PLA2G4C: variants seen among roughly 807,000 people sequenced by gnomAD.
PLA2G4C encodes phospholipase A2 group IVC.
A neutral mutation model predicts 73.8 loss-of-function variants in PLA2G4C; 64 were observed. That is an observed-to-expected ratio of 0.87 (90% CI 0.71 to 1.07). The LOEUF (loss-of-function observed/expected upper bound fraction) is 1.07, where lower values mean the gene tolerates loss of function less well. PLA2G4C is among the 50% of genes least tolerant of loss of function. The pLI, the probability that PLA2G4C is intolerant of heterozygous loss-of-function variation, is 0.00. For missense variants in PLA2G4C, 622 were observed against 665.4 expected, an observed-to-expected ratio of 0.93 and a Z score of 0.72; for synonymous variants, 254 against 252.1, an observed-to-expected ratio of 1.01 and a Z score of -0.07.
intron 9 of PLA2G4C, among the ~76,000 whole-genome samples, 197 bp downstream of exon 9, chr19:48,088,489 T>C (rs1232152984): frequency 6.6e-6 from 1 of 152,214 alleles, no homozygotes; most frequent in Non-Finnish European, 1.5e-5. Flanking sequence ...AACATGGTTC[T>C]ACAGCACCCC....
chr19:48,059,527 C>T (rs987678179), intron 14 of PLA2G4C, among the ~76,000 whole-genome samples: 9 of 152,138 alleles, frequency 5.9e-5, no homozygotes, highest in Middle Eastern at 3.4e-3. Context: ...ACAGTGTGGG[C>T]GGACACCCTC....
chr19:48,056,290 G>A (rs1453660201), intron 14 of PLA2G4C, among the ~76,000 whole-genome samples: 1 of 152,106 alleles, frequency 6.6e-6, no homozygotes, highest in African/African-American at 2.4e-5. Context: ...GCTCATGTCT[G>A]TAATCCCAGC....
At chr19:48,056,823 A>C (rs1427983796) in intron 14 of PLA2G4C, among the ~76,000 whole-genome samples, 3 of 124,046 alleles carry the variant, frequency 2.4e-5, no homozygotes, top group Non-Finnish European at 4.9e-5. Flanking sequence ...CAAGAACGAG[A>C]CTCTGTCTCA....
chr19:48,067,697 C>T, intron 13 of PLA2G4C, 94 bp downstream of exon 13: 1 of 844,292 alleles, frequency 1.2e-6, no homozygotes, highest in South Asian at 1.4e-5. Context: ...GGGGAAGGAC[C>T]AGCCTGGGAT....
In PLA2G4C at chr19:48,061,986, C is replaced by T. The variant is rs939422527; in HGVS notation, c.1257+12G>A. On this transcript the variant is annotated intron_variant, in intron 14 of 16. Transcript: ENST00000599921. Reference sequence around the variant, plus strand: ...CCCACCCAGGACCGGCCCCAAAGCCCTTCTCGATTACCTCGAAAGGATCTC... The same window carrying T: ...CCCACCCAGGACCGGCCCCAAAGCCTTTCTCGATTACCTCGAAAGGATCTC... 6.2e-7 allele frequency: 1 copy of T among 1,613,344 alleles called. No homozygotes were observed. The highest frequency in any genetic ancestry group is 1.3e-5 in the African/African-American group (1 of 74,852).
At chr19:48,056,969 T>A (rs1316865234) in intron 14 of PLA2G4C, among the ~76,000 whole-genome samples, 1 of 151,694 alleles carries the variant, frequency 6.6e-6, no homozygotes, top group Non-Finnish European at 1.5e-5. Context: ...CAACACACAC[T>A]GGGGCCTAGT....
At chr19:48,061,944 T>C in intron 14 of PLA2G4C, 54 bp downstream of exon 14, 1 of 1,585,322 alleles carries the variant, frequency 6.3e-7, no homozygotes, top group Middle Eastern at 1.7e-4. Context: ...CAAAGTCAGC[T>C]TCGCCGCAGC....
chr19:48,052,408 T>C (rs1214418089), intron 16 of PLA2G4C: 1 of 152,356 alleles, frequency 6.6e-6, no homozygotes, highest in African/African-American at 2.4e-5. Flanking sequence ...TGTTTGAAAG[T>C]GTGTAGCACT....
In PLA2G4C at chr19:48,054,956, C is replaced by T. The variant is rs780585013; in HGVS notation, c.1351G>A (p.Ala451Thr). Residue 451 changes from alanine (A) to threonine (T), a missense_variant, in exon 15 of 17, where the codon GCC becomes ACC. By Grantham distance (58) the Ala-to-Thr change is moderately conservative. Coordinates refer to ENST00000599921, the MANE Select transcript of PLA2G4C (RefSeq NM_003706.3). The part of the protein sequence containing the change: ...AELDLWSKAP[A>T]SCYILKGETG... ...TCTCCTTTCAGGATGTAGCAGCTGG[C>T]GGGGGCCTTGGACCACAAATCCAGC... 2.9e-5 allele frequency: 46 copies of T among 1,613,684 alleles called. No homozygotes were observed. The highest frequency in any genetic ancestry group is 6.7e-5 in the East Asian group (3 of 44,854).
chr19:48,060,307 G>A (rs1444338102), intron 14 of PLA2G4C, among the ~76,000 whole-genome samples: 1 of 152,000 alleles, frequency 6.6e-6, no homozygotes, highest in African/African-American at 2.4e-5. Context: ...AAAATCCGAG[G>A]TGTATTTTAT....
At chr19:48,057,931 A>G (rs1017951282) in intron 14 of PLA2G4C, among the ~76,000 whole-genome samples, 1 of 151,172 alleles carries the variant, frequency 6.6e-6, no homozygotes, top group African/African-American at 2.4e-5. Flanking sequence ...AAGCTCCTAG[A>G]CTCAGGTTAT....
intron 1 of PLA2G4C, among the ~76,000 whole-genome samples, chr19:48,107,674 G>C (rs1474045068): frequency 6.6e-6 from 1 of 152,120 alleles, no homozygotes; most frequent in Non-Finnish European, 1.5e-5. Flanking sequence ...GGGCCTGAGT[G>C]ATGTCAGGCC....
In PLA2G4C at chr19:48,053,156, T is replaced by C; in HGVS notation, c.1430-9A>G. On this transcript the variant is annotated splice_polypyrimidine_tract_variant and intron_variant, in intron 15 of 16. Coordinates refer to ENST00000599921, the MANE Select transcript of PLA2G4C (RefSeq NM_003706.3). Reference sequence around the variant, plus strand: ...CCATGCCTCAATATCACCTGAAGCATAACCAAACCAACAAAGAAAAGGCAT... The same window carrying C: ...CCATGCCTCAATATCACCTGAAGCACAACCAAACCAACAAAGAAAAGGCAT... 6.4e-7 allele frequency: 1 copy of C among 1,562,416 alleles called. No homozygotes were observed. The highest frequency in any genetic ancestry group is 8.7e-7 in the Non-Finnish European group (1 of 1,147,864).
At chr19:48,064,203 T>A (rs1968317848) in intron 13 of PLA2G4C, among the ~76,000 whole-genome samples, 1 of 152,084 alleles carries the variant, frequency 6.6e-6, no homozygotes, top group African/African-American at 2.4e-5. Flanking sequence ...CCAAGGTGGG[T>A]GGATCACCTG....
chr19:48,061,051 T>C (rs1968149182), intron 14 of PLA2G4C, among the ~76,000 whole-genome samples: 2 of 152,066 alleles, frequency 1.3e-5, no homozygotes, highest in African/African-American at 4.8e-5. Context: ...ATCCTAGCCT[T>C]GGGTGGTGGG....
At chr19:48,052,760 T>C (rs1026393274) in intron 16 of PLA2G4C, among the ~76,000 whole-genome samples, 2 of 152,108 alleles carry the variant, frequency 1.3e-5, no homozygotes, top group African/African-American at 4.8e-5. Flanking sequence ...ACCCAGCTAG[T>C]GGTATTTTGT....
At chr19:48,106,970 G>C (rs1366250345) in intron 1 of PLA2G4C, among the ~76,000 whole-genome samples, 1 of 152,014 alleles carries the variant, frequency 6.6e-6, no homozygotes, top group African/African-American at 2.4e-5. Context: ...TCAGCCTCCT[G>C]AGTATCTGGG....
At chr19:48,075,431 C>T (rs978969389) in intron 11 of PLA2G4C, among the ~76,000 whole-genome samples, 5 of 150,660 alleles carry the variant, frequency 3.3e-5, no homozygotes, top group Non-Finnish European at 5.9e-5. Flanking sequence ...AAGTGATCCA[C>T]CCCCCTCAGC....
chr19:48,090,794 C>G (rs1389301820), intron 7 of PLA2G4C, among the ~76,000 whole-genome samples: 1 of 152,126 alleles, frequency 6.6e-6, no homozygotes, highest in Non-Finnish European at 1.5e-5. Context: ...CGGTCAAGCT[C>G]TGGTCCATGC....
Sources: allele counts gnomAD v4.1 joint callset (sites outside exome capture counted in the v4.1 genomes callset), GRCh38; gene constraint gnomAD v4.1.1; transcripts MANE v1.5; gene names NCBI Gene and HGNC (gene_info 2026-07-23, HGNC 2026-07-21).